SFMBT1: variants seen among roughly 807,000 people sequenced by gnomAD.
The protein encoded by SFMBT1 is scm-like with four MBT domains protein 1.
In SFMBT1, 32 loss-of-function variants were observed where a neutral mutation model predicts 108.7. The observed-to-expected ratio is 0.29, with a 90% CI of 0.22 to 0.40. The LOEUF (loss-of-function observed/expected upper bound fraction) is 0.40, where lower values mean the gene tolerates loss of function less well. Among genes scored for constraint, SFMBT1 ranks in the 10% least tolerant of loss-of-function variants. SFMBT1 has a pLI of 1.00. For missense variants in SFMBT1, 816 were observed against 1,059.6 expected (o/e 0.77, Z 3.19); for synonymous variants, 348 against 369.5 (o/e 0.94, Z 0.67).
intron 17 of SFMBT1, among the ~76,000 whole-genome samples, chr3:52,910,251 T>C (rs1405422812): frequency 3.3e-5 from 5 of 152,302 alleles, no homozygotes; most frequent in Non-Finnish European, 2.9e-5. Context: ...TCACTGAGGA[T>C]AGGAATTTGT....
chr3:52,941,056 G>C (rs1220446593), intron 4 of SFMBT1, among the ~76,000 whole-genome samples: 2 of 152,152 alleles, frequency 1.3e-5, no homozygotes, highest in Non-Finnish European at 2.9e-5. Context: ...AAGAAAACGA[G>C]AGAGACACGA....
chr3:52,927,161 C>T (rs1702683111), intron 9 of SFMBT1, among the ~76,000 whole-genome samples: 2 of 152,170 alleles, frequency 1.3e-5, no homozygotes, highest in African/African-American at 2.4e-5. Flanking sequence ...GGCTGTTCTA[C>T]ACCACACCCT....
intron 5 of SFMBT1, among the ~76,000 whole-genome samples, chr3:52,932,809 G>T (rs1702896333): frequency 6.6e-6 from 1 of 152,150 alleles, no homozygotes; most frequent in Non-Finnish European, 1.5e-5. Context: ...TACTTGAGAG[G>T]CTGAGGCAGA....
At chr3:52,936,658 A>G (rs1341401700) in intron 4 of SFMBT1, among the ~76,000 whole-genome samples, 2 of 152,158 alleles carry the variant, frequency 1.3e-5, no homozygotes, top group Non-Finnish European at 2.9e-5. Flanking sequence ...TACTTCTGCA[A>G]GAAGCCCCAG....
At chr3:53,032,507 T>C (rs1699721783) in intron 1 of SFMBT1, among the ~76,000 whole-genome samples, 1 of 152,258 alleles carries the variant, frequency 6.6e-6, no homozygotes, top group South Asian at 2.1e-4. Flanking sequence ...GTTTGGATTT[T>C]ATTCTAATTA....
At position 52,931,054 on chromosome 3, in the gene SFMBT1, A is replaced by G; in HGVS notation, c.701-19T>C. 1 of 1,596,526 alleles carries G rather than the reference A, an allele frequency of 6.3e-7. No individual in the cohort carries two copies. The highest frequency in any genetic ancestry group is 8.6e-7 in the Non-Finnish European group (1 of 1,164,138). On this transcript the variant is annotated intron_variant, in intron 6 of 20. Coordinates refer to ENST00000394752, the MANE Select transcript of SFMBT1 (RefSeq NM_016329.4). ...CTAATGGCTTTAATAAAACATGACA[A>G]CATGCTTTAGATGATGAGAAACTTA... is the stretch of plus-strand genomic sequence containing the variant.
intron 1 of SFMBT1, among the ~76,000 whole-genome samples, chr3:52,996,486 T>G (rs1370558824): frequency 1.3e-5 from 2 of 150,044 alleles, no homozygotes; most frequent in African/African-American, 4.8e-5. Context: ...ATGCTAGGAT[T>G]ATAGGCATGA....
chr3:53,040,798 T>C (rs778137273), intron 1 of SFMBT1, among the ~76,000 whole-genome samples: 2 of 151,474 alleles, frequency 1.3e-5, no homozygotes, highest in Non-Finnish European at 2.9e-5. Flanking sequence ...ATATACAGAC[T>C]ACTTTTTTTT....
intron 1 of SFMBT1, among the ~76,000 whole-genome samples, chr3:53,008,305 C>T (rs893577941): frequency 1.3e-5 from 2 of 152,192 alleles, no homozygotes; most frequent in Non-Finnish European, 2.9e-5. Context: ...CGGACAACTC[C>T]AACGGTTCTG....
intron 1 of SFMBT1, among the ~76,000 whole-genome samples, chr3:53,021,304 G>A (rs1239120599): frequency 6.6e-6 from 1 of 152,128 alleles, no homozygotes; most frequent in Non-Finnish European, 1.5e-5. Context: ...TGATGTCAAG[G>A]AGTGGAAAAG....
At position 52,905,115 on chromosome 3, in the gene SFMBT1, A is replaced by G. The variant is rs773879296; in HGVS notation, c.*21T>C. ...TGCTGCATTTGTGCTTCAAAGATCCAGCTCACTTTGGTTGTCCTTCTCAGT... is the reference window on the plus strand; with the variant it reads ...TGCTGCATTTGTGCTTCAAAGATCCGGCTCACTTTGGTTGTCCTTCTCAGT... On this transcript the variant is annotated 3_prime_UTR_variant, in exon 21 of 21. Transcript: ENST00000394752. The G allele has an allele frequency of 6.2e-7, 1 of 1,612,366 alleles. No homozygotes were observed. Among genetic ancestry groups the G allele is most frequent in the Non-Finnish European group, 8.5e-7 (1 of 1,179,156 alleles).
chr3:53,044,131 CAT>C (rs2106984248), intron 1 of SFMBT1, among the ~76,000 whole-genome samples: 1 of 152,248 alleles, frequency 6.6e-6, no homozygotes, highest in South Asian at 2.1e-4. Flanking sequence ...TTCAAATAAT[CAT>C]ATAAAACCAT....
At chr3:52,912,870 C>T (rs373948524) in intron 15 of SFMBT1, among the ~76,000 whole-genome samples, 1 of 152,116 alleles carries the variant, frequency 6.6e-6, no homozygotes, top group African/African-American at 2.4e-5. Context: ...TTAAATGTTA[C>T]GGTCAGGAAA....
chr3:53,043,627 T>C (rs942606100), intron 1 of SFMBT1, among the ~76,000 whole-genome samples: 1 of 152,186 alleles, frequency 6.6e-6, no homozygotes, highest in East Asian at 1.9e-4. Context: ...ATTCTAAAAA[T>C]GGGAAGTCAT....
At chr3:53,028,240 C>T (rs1284516109) in intron 1 of SFMBT1, among the ~76,000 whole-genome samples, 1 of 152,188 alleles carries the variant, frequency 6.6e-6, no homozygotes, top group Non-Finnish European at 1.5e-5. Context: ...CACCACCACA[C>T]TCAACTAATT....
intron 1 of SFMBT1, among the ~76,000 whole-genome samples, chr3:53,019,385 GT>G (rs67082545): frequency 0.097 from 11,833 of 121,910 alleles, 558 homozygotes; most frequent in East Asian, 0.17. Flanking sequence ...GTGTGTGTGT[GT>G]GGGGGGGGTA....
At chr3:53,020,019 G>A (rs1699250754) in intron 1 of SFMBT1, among the ~76,000 whole-genome samples, 1 of 151,716 alleles carries the variant, frequency 6.6e-6, no homozygotes, top group African/African-American at 2.4e-5. Flanking sequence ...TTCTCTACAC[G>A]TGACTGCTTC....
At chr3:52,982,531 C>T (rs1704748441) in intron 1 of SFMBT1, among the ~76,000 whole-genome samples, 1 of 151,932 alleles carries the variant, frequency 6.6e-6, no homozygotes, top group Non-Finnish European at 1.5e-5. Context: ...GAGTTCCAGA[C>T]AGGCCTGGCC....
chr3:52,973,373 G>A (rs898471954), intron 1 of SFMBT1, among the ~76,000 whole-genome samples: 2 of 151,982 alleles, frequency 1.3e-5, no homozygotes, highest in Admixed American at 1.3e-4. Context: ...ACTGAAGCTT[G>A]GAGAAATTTT....
Sources: gnomAD v4.1 joint callset for allele counts (sites outside exome capture counted in the v4.1 genomes callset) on GRCh38, gnomAD v4.1.1 for gene constraint, MANE v1.5 for transcripts, NCBI Gene and HGNC (gene_info 2026-07-23, HGNC 2026-07-21) for gene names.